Variants in SLCO3A1 observed in about 807,000 individuals in gnomAD.
SLCO3A1 encodes the protein PGE1 transporter.
Under a neutral mutation model 63.1 loss-of-function variants are expected in SLCO3A1, and 27 were observed. The ratio of observed to expected loss-of-function variants is 0.43; its 90% CI spans 0.32 to 0.59. The LOEUF (loss-of-function observed/expected upper bound fraction) is 0.59, where lower values mean the gene tolerates loss of function less well. Among genes scored for constraint, SLCO3A1 ranks in the 20% least tolerant of loss-of-function variants. The pLI is 0.09. For synonymous variants in SLCO3A1, 473 were observed against 409.9 expected (o/e 1.15, Z -1.86); for missense variants, 773 against 945.8 (o/e 0.82, Z 2.40).
At chr15:91,857,648 G>T (rs541869994) in intron 1 of SLCO3A1, among the ~76,000 whole-genome samples, 2 of 152,286 alleles carry the variant, frequency 1.3e-5, no homozygotes, top group East Asian at 3.9e-4. Context: ...AAGTCATTTT[G>T]TGTGTGCCTA....
chr15:92,142,401 T>C (rs759282013), intron 7 of SLCO3A1, among the ~76,000 whole-genome samples: 18 of 152,208 alleles, frequency 1.2e-4, no homozygotes, highest in Non-Finnish European at 2.1e-4. Context: ...TTCCTTTTCA[T>C]AGATGGCACC....
intron 7 of SLCO3A1, among the ~76,000 whole-genome samples, chr15:92,132,162 G>A (rs1217100696): frequency 6.9e-6 from 1 of 145,370 alleles, no homozygotes; most frequent in Non-Finnish European, 1.5e-5. Context: ...CAGTACTAAA[G>A]ACCTGATCCT....
intron 2 of SLCO3A1, among the ~76,000 whole-genome samples, chr15:91,925,312 C>T (rs950427311): frequency 6.6e-6 from 1 of 152,110 alleles, no homozygotes; most frequent in Non-Finnish European, 1.5e-5. Context: ...TGGTTTCTGT[C>T]GAGCATTGTG....
chr15:92,019,956 G>A (rs1413519447), intron 2 of SLCO3A1, among the ~76,000 whole-genome samples: 1 of 152,154 alleles, frequency 6.6e-6, no homozygotes, highest in African/African-American at 2.4e-5. Context: ...CTGTATCAAA[G>A]CCCAAGGCTC....
At chr15:91,972,903 C>A (rs1290157787) in intron 2 of SLCO3A1, among the ~76,000 whole-genome samples, 1 of 152,150 alleles carries the variant, frequency 6.6e-6, no homozygotes, top group Non-Finnish European at 1.5e-5. Context: ...GGCGGATCAC[C>A]TGAGGTCAGG....
At chr15:92,061,793 C>A (rs1364122822) in intron 2 of SLCO3A1, among the ~76,000 whole-genome samples, 3 of 141,130 alleles carry the variant, frequency 2.1e-5, no homozygotes, top group Non-Finnish European at 4.7e-5. Flanking sequence ...AACCCATCAC[C>A]CTGTTAGACG....
intron 7 of SLCO3A1, among the ~76,000 whole-genome samples, chr15:92,137,061 G>A (rs541375987): frequency 8.9e-5 from 13 of 146,874 alleles, no homozygotes; most frequent in African/African-American, 1.3e-4. Context: ...CCATGCTGGT[G>A]CGCTGCACCC....
intron 2 of SLCO3A1, among the ~76,000 whole-genome samples, chr15:92,079,241 C>G (rs774166617): frequency 6.6e-6 from 1 of 152,192 alleles, no homozygotes; most frequent in Non-Finnish European, 1.5e-5. Context: ...CTAGGGGGCA[C>G]ACCACAGCTT....
intron 2 of SLCO3A1, among the ~76,000 whole-genome samples, chr15:91,926,320 T>G (rs1269061578): frequency 6.6e-6 from 1 of 152,196 alleles, no homozygotes; most frequent in African/African-American, 2.4e-5. Context: ...GCAGGAACAG[T>G]AAGTGTTTAA....
chr15:92,139,387 A>G (rs2048099042), intron 7 of SLCO3A1, among the ~76,000 whole-genome samples: 1 of 151,940 alleles, frequency 6.6e-6, no homozygotes, highest in Non-Finnish European at 1.5e-5. Flanking sequence ...CCAGTATTTT[A>G]TTGAGGATTT....
chr15:92,153,245 CA>C (rs11347750), intron 9 of SLCO3A1, among the ~76,000 whole-genome samples: 6,341 of 139,802 alleles, frequency 0.045, 313 homozygotes, highest in East Asian at 0.3. Context: ...CTGAAACAAA[CA>C]AAAAAAAAAA....
chr15:91,873,016 C>G (rs1242604541), intron 1 of SLCO3A1, among the ~76,000 whole-genome samples: 2 of 152,246 alleles, frequency 1.3e-5, no homozygotes, highest in Non-Finnish European at 1.5e-5. Flanking sequence ...GCCAGCCACT[C>G]AAACACATGG....
At chr15:92,143,613 G>C (rs949403112) in intron 7 of SLCO3A1, among the ~76,000 whole-genome samples, 1 of 140,616 alleles carries the variant, frequency 7.1e-6, no homozygotes, top group Non-Finnish European at 1.5e-5. Flanking sequence ...TGGATTTGAT[G>C]TAGGTATGTG....
At chr15:92,019,265 A>G (rs1223174549) in intron 2 of SLCO3A1, among the ~76,000 whole-genome samples, 1 of 152,164 alleles carries the variant, frequency 6.6e-6, no homozygotes, top group Admixed American at 6.5e-5. Context: ...ACCCTGGGCA[A>G]GCTATGGATT....
intron 2 of SLCO3A1, among the ~76,000 whole-genome samples, chr15:91,961,641 G>A (rs1837179036): frequency 6.6e-6 from 1 of 152,140 alleles, no homozygotes; most frequent in South Asian, 2.1e-4. Context: ...CTTCATTCAG[G>A]CCCCTGCTTG....
intron 9 of SLCO3A1, among the ~76,000 whole-genome samples, chr15:92,156,176 T>TA (rs1397802032): frequency 6.6e-6 from 1 of 152,202 alleles, no homozygotes; most frequent in African/African-American, 2.4e-5. Flanking sequence ...ATGAACGTGT[T>TA]AAGTGCTGCT....
At chr15:92,100,306 C>G (rs540924704) in intron 3 of SLCO3A1, among the ~76,000 whole-genome samples, 2 of 152,140 alleles carry the variant, frequency 1.3e-5, no homozygotes, top group African/African-American at 4.8e-5. Flanking sequence ...GGAATGACCA[C>G]GGGGTAGATT....
intron 4 of SLCO3A1, among the ~76,000 whole-genome samples, chr15:92,118,508 T>A (rs2047822733): frequency 6.6e-6 from 1 of 152,240 alleles, no homozygotes; most frequent in African/African-American, 2.4e-5. Context: ...AGTTCTTGAC[T>A]TATTGAGCTT....
intron 2 of SLCO3A1, among the ~76,000 whole-genome samples, chr15:92,053,680 TTTTGTTTG>T (rs1567092371): frequency 2.1e-5 from 1 of 46,880 alleles, no homozygotes; most frequent in African/African-American, 5.3e-5. Flanking sequence ...TGTTTTGTTT[TTTTGTTTG>T]TTTGTTTGTT....
Sources: allele counts gnomAD v4.1 joint callset (sites outside exome capture counted in the v4.1 genomes callset), GRCh38; gene constraint gnomAD v4.1.1; transcripts MANE v1.5; gene names NCBI Gene and HGNC (gene_info 2026-07-23, HGNC 2026-07-21).